HS6ST3: variants seen among roughly 807,000 people sequenced by gnomAD.
HS6ST3 encodes heparan-sulfate 6-O-sulfotransferase 3.
In HS6ST3, 12 loss-of-function variants were observed where a neutral mutation model predicts 36.7. The ratio of observed to expected loss-of-function variants is 0.33; its 90% CI spans 0.21 to 0.53. The LOEUF (loss-of-function observed/expected upper bound fraction) is 0.53, where lower values mean the gene tolerates loss of function less well. Ranked by LOEUF, HS6ST3 falls within the 20% of genes least tolerant of loss-of-function variation. The pLI, the probability that HS6ST3 is intolerant of heterozygous loss-of-function variation, is 0.95. For missense variants in HS6ST3, 584 were observed against 640.9 expected (o/e 0.91, Z 0.96); for synonymous variants, 240 against 257.5 (o/e 0.93, Z 0.65).
At chr13:96,605,702 C>T (rs901483461) in intron 1 of HS6ST3, among the ~76,000 whole-genome samples, 2 of 152,050 alleles carry the variant, frequency 1.3e-5, no homozygotes, top group African/African-American at 4.8e-5. Context: ...TTAAGTGACT[C>T]ATTTAATTTC....
intron 1 of HS6ST3, among the ~76,000 whole-genome samples, chr13:96,781,717 G>A (rs1877532760): frequency 6.6e-6 from 1 of 152,088 alleles, no homozygotes; most frequent in South Asian, 2.1e-4. Context: ...TGTTGTCTTT[G>A]GGCCTCAAAA....
At chr13:96,178,800 C>A (rs1003576981) in intron 1 of HS6ST3, among the ~76,000 whole-genome samples, 2 of 152,066 alleles carry the variant, frequency 1.3e-5, no homozygotes, top group Non-Finnish European at 2.9e-5. Context: ...GGAATCACCC[C>A]CTGGGCACAG....
chr13:96,136,141 C>A (rs1370994230), intron 1 of HS6ST3, among the ~76,000 whole-genome samples: 1 of 151,992 alleles, frequency 6.6e-6, no homozygotes, highest in Admixed American at 6.6e-5. Flanking sequence ...GTTTGTTTAC[C>A]CTATAGGAGG....
At chr13:96,458,396 C>A (rs2055764629) in intron 1 of HS6ST3, among the ~76,000 whole-genome samples, 1 of 151,974 alleles carries the variant, frequency 6.6e-6, no homozygotes, top group South Asian at 2.1e-4. Context: ...TACAAAATAT[C>A]CAGAGAAGTT....
chr13:96,766,122 A>G (rs1453490521), intron 1 of HS6ST3, among the ~76,000 whole-genome samples: 1 of 152,218 alleles, frequency 6.6e-6, no homozygotes, highest in Non-Finnish European at 1.5e-5. Context: ...AATTGTAGAG[A>G]GTAGAATTTA....
At chr13:96,245,376 TG>T (rs2054579870) in intron 1 of HS6ST3, among the ~76,000 whole-genome samples, 1 of 152,238 alleles carries the variant, frequency 6.6e-6, no homozygotes, top group African/African-American at 2.4e-5. Flanking sequence ...CCGTCTTCAA[TG>T]GATGTAACTT....
intron 1 of HS6ST3, among the ~76,000 whole-genome samples, chr13:96,681,840 G>A (rs1389893054): frequency 1.3e-5 from 2 of 152,058 alleles, no homozygotes; most frequent in East Asian, 3.9e-4. Context: ...GTTCTCTCAT[G>A]CCTCATCTAG....
chr13:96,102,511 A>G (rs773660017), intron 1 of HS6ST3, among the ~76,000 whole-genome samples: 1 of 151,998 alleles, frequency 6.6e-6, no homozygotes, highest in South Asian at 2.1e-4. Context: ...AAAATAGTTA[A>G]CTCTCATAGA....
chr13:96,656,023 G>A lies in HS6ST3; in HGVS notation c.708-176467G>A, dbSNP rs557428167. ...GCTTGACAAGAGGAAATTAGATGATGTATAAAACATACTAATTGATATAAT... is the reference window on the plus strand; with the variant it reads ...GCTTGACAAGAGGAAATTAGATGATATATAAAACATACTAATTGATATAAT... On this transcript the variant is annotated intron_variant, in intron 1 of 1. Transcript: ENST00000376705. Among the ~76,000 whole-genome samples the A allele has an allele frequency of 3.2e-4, 48 of 152,088 alleles. 1 individual carries two copies. Among genetic ancestry groups the A allele is most frequent in the Admixed American group, 5.9e-4 (9 of 15,248 alleles).
chr13:96,476,534 T>C (rs555122715), intron 1 of HS6ST3, among the ~76,000 whole-genome samples: 17 of 152,224 alleles, frequency 1.1e-4, no homozygotes, highest in Admixed American at 3.3e-4. Flanking sequence ...GGCTAATTTT[T>C]GTATTTTTAG....
At chr13:96,093,864 TA>T (rs1232342762) in intron 1 of HS6ST3, among the ~76,000 whole-genome samples, 2 of 152,192 alleles carry the variant, frequency 1.3e-5, no homozygotes, top group African/African-American at 4.8e-5. Flanking sequence ...TTAGCCTGGA[TA>T]ATGGAGGGTA....
At chr13:96,516,631 G>A (rs2138923943) in intron 1 of HS6ST3, among the ~76,000 whole-genome samples, 1 of 151,962 alleles carries the variant, frequency 6.6e-6, no homozygotes, top group East Asian at 1.9e-4. Context: ...TCTATGCGTA[G>A]CATAAAACAG....
chr13:96,669,350 C>T (rs543342), intron 1 of HS6ST3, among the ~76,000 whole-genome samples: 150,748 of 152,170 alleles, frequency 0.99, 74,682 homozygotes, highest in Middle Eastern at 1. Context: ...CAGGAGGTAA[C>T]TGGATCCTTC....
intron 1 of HS6ST3, among the ~76,000 whole-genome samples, chr13:96,514,308 T>G (rs1250423739): frequency 1.3e-5 from 2 of 152,174 alleles, no homozygotes; most frequent in African/African-American, 4.8e-5. Flanking sequence ...GATTTGGTGA[T>G]TAATTCAATG....
intron 1 of HS6ST3, among the ~76,000 whole-genome samples, chr13:96,129,073 C>T (rs1331910523): frequency 6.6e-6 from 1 of 152,158 alleles, no homozygotes; most frequent in Admixed American, 6.5e-5. Flanking sequence ...TCTCCAACTC[C>T]TGACCTCAGG....
chr13:96,692,887 T>G (rs1045445189), intron 1 of HS6ST3, among the ~76,000 whole-genome samples: 2 of 152,206 alleles, frequency 1.3e-5, no homozygotes, highest in Non-Finnish European at 1.5e-5. Flanking sequence ...AGATTGGTGC[T>G]TTTTCTAATG....
intron 1 of HS6ST3, among the ~76,000 whole-genome samples, chr13:96,422,271 GTCT>G (rs1367164444): frequency 6.6e-6 from 1 of 152,168 alleles, no homozygotes; most frequent in Non-Finnish European, 1.5e-5. Flanking sequence ...GTGTAGTTTG[GTCT>G]TCAGTGGCCT....
chr13:96,396,836 A>G (rs1400280971), intron 1 of HS6ST3, among the ~76,000 whole-genome samples: 2 of 152,228 alleles, frequency 1.3e-5, no homozygotes, highest in Non-Finnish European at 2.9e-5. Context: ...AACAAAAATG[A>G]AAAACAAGTG....
At chr13:96,824,957 C>T (rs371396006) in intron 1 of HS6ST3, among the ~76,000 whole-genome samples, 2 of 152,198 alleles carry the variant, frequency 1.3e-5, no homozygotes, top group South Asian at 2.1e-4. Flanking sequence ...TTGTGTAAAG[C>T]CTGTATAAGT....
Sources: allele counts gnomAD v4.1 joint callset (sites outside exome capture counted in the v4.1 genomes callset), GRCh38; gene constraint gnomAD v4.1.1; transcripts MANE v1.5; gene names NCBI Gene and HGNC (gene_info 2026-07-23, HGNC 2026-07-21).